ARHGAP15: variants seen among roughly 807,000 people sequenced by gnomAD.
ARHGAP15 encodes the protein rho GTPase-activating protein 15.
Under a neutral mutation model 63.7 loss-of-function variants are expected in ARHGAP15, and 51 were observed. That is an observed-to-expected ratio of 0.80 (90% CI 0.64 to 1.01). ARHGAP15 has a LOEUF of 1.01. Among genes scored for constraint, ARHGAP15 ranks in the 50% least tolerant of loss-of-function variants. The pLI is 0.00. For missense variants in ARHGAP15, 560 were observed against 564.6 expected, an observed-to-expected ratio of 0.99 and a Z score of 0.08; for synonymous variants, 191 against 193.8, an observed-to-expected ratio of 0.99 and a Z score of 0.12.
In ARHGAP15 at chr2:143,599,081, G is replaced by A. The variant is rs143375834; in HGVS notation, c.1004-25052G>A. Among the ~76,000 whole-genome samples, 938 of 152,166 alleles carry A rather than the reference G, an allele frequency of 6.2e-3. 6 individuals carry two copies. Among genetic ancestry groups the A allele is most frequent in the Non-Finnish European group, 0.011 (731 of 67,996 alleles). On this transcript the variant is annotated intron_variant, in intron 11 of 13. Transcript: ENST00000295095. ...ACATTGTTCAGGGTTGCAAAGTGAAGTTGAGAGTCTTAAATAGAGGGAGGC... is the reference window on the plus strand; with the variant it reads ...ACATTGTTCAGGGTTGCAAAGTGAAATTGAGAGTCTTAAATAGAGGGAGGC...
At chr2:143,361,290 C>G (rs1370977989) in intron 6 of ARHGAP15, among the ~76,000 whole-genome samples, 2 of 152,178 alleles carry the variant, frequency 1.3e-5, no homozygotes, top group East Asian at 3.9e-4. Context: ...CTATTAGCCA[C>G]CCAAGAGGCA....
chr2:143,499,016 AT>A (rs1692938757), intron 9 of ARHGAP15, among the ~76,000 whole-genome samples: 1 of 152,214 alleles, frequency 6.6e-6, no homozygotes, highest in African/African-American at 2.4e-5. Context: ...TCATTAAAAA[AT>A]ATTACCCACA....
intron 8 of ARHGAP15, among the ~76,000 whole-genome samples, chr2:143,438,193 T>G (rs936047124): frequency 1.3e-5 from 2 of 152,104 alleles, no homozygotes; most frequent in Non-Finnish European, 2.9e-5. Flanking sequence ...CATCCTAAAC[T>G]TTAGAATTTA....
At chr2:143,763,636 T>TATATATGCAAATTGC (rs1410080837) in intron 13 of ARHGAP15, among the ~76,000 whole-genome samples, 2 of 149,204 alleles carry the variant, frequency 1.3e-5, no homozygotes, top group African/African-American at 5.0e-5. Flanking sequence ...ATAAATTGCA[T>TATATATGCAAATTGC]ATATATGCAA....
At chr2:143,557,894 A>T (rs562527305) in intron 11 of ARHGAP15, among the ~76,000 whole-genome samples, 1 of 152,264 alleles carries the variant, frequency 6.6e-6, no homozygotes, top group Non-Finnish European at 1.5e-5. Flanking sequence ...TTTTAAAATC[A>T]TACAGATGGG....
chr2:143,617,557 G>T (rs191115286), intron 11 of ARHGAP15, among the ~76,000 whole-genome samples: 1 of 152,206 alleles, frequency 6.6e-6, no homozygotes, highest in Non-Finnish European at 1.5e-5. Context: ...CATATTGGAT[G>T]GGGACCCACA....
chr2:143,495,952 G>A (rs10928179), intron 9 of ARHGAP15, among the ~76,000 whole-genome samples: 150,593 of 152,336 alleles, frequency 0.99, 74,464 homozygotes, highest in Middle Eastern at 1. Context: ...CAACTTCCAC[G>A]ATATGCACTA....
intron 6 of ARHGAP15, among the ~76,000 whole-genome samples, chr2:143,298,323 G>C (rs563828743): frequency 6.6e-6 from 1 of 152,036 alleles, no homozygotes; most frequent in Non-Finnish European, 1.5e-5. Context: ...GTAATCCCTA[G>C]TTAGCATCTC....
chr2:143,153,144 A>G (rs1415938629), intron 1 of ARHGAP15, among the ~76,000 whole-genome samples: 4 of 151,918 alleles, frequency 2.6e-5, no homozygotes, highest in Non-Finnish European at 5.9e-5. Flanking sequence ...AGGAAGCAAC[A>G]TGTCCTATAA....
At chr2:143,328,320 G>A (rs1684350266) in intron 6 of ARHGAP15, among the ~76,000 whole-genome samples, 1 of 152,142 alleles carries the variant, frequency 6.6e-6, no homozygotes, top group African/African-American at 2.4e-5. Flanking sequence ...GTTCATGATA[G>A]CAAAGACTTG....
intron 4 of ARHGAP15, 69 bp downstream of exon 4, chr2:143,216,514 G>A (rs961832600): frequency 1.6e-5 from 19 of 1,198,710 alleles, no homozygotes; most frequent in Middle Eastern, 3.9e-4. Flanking sequence ...TTGTGCCACT[G>A]TTATTGTTTG....
intron 6 of ARHGAP15, among the ~76,000 whole-genome samples, chr2:143,332,117 T>C (rs1684575256): frequency 6.6e-6 from 1 of 152,170 alleles, no homozygotes; most frequent in African/African-American, 2.4e-5. Flanking sequence ...AATTGTACCC[T>C]TCCTTTCACC....
At chr2:143,267,855 A>G (rs901601789) in intron 6 of ARHGAP15, among the ~76,000 whole-genome samples, 7 of 152,164 alleles carry the variant, frequency 4.6e-5, no homozygotes, top group Admixed American at 2.6e-4. Context: ...AGCACAAAAA[A>G]TATTTTCTCT....
At chr2:143,395,913 C>G (rs578201579) in intron 6 of ARHGAP15, among the ~76,000 whole-genome samples, 1 of 151,826 alleles carries the variant, frequency 6.6e-6, no homozygotes, top group African/African-American at 2.4e-5. Flanking sequence ...CAAGCAGAGA[C>G]AAGGTGAGTT....
chr2:143,477,685 T>C (rs1691887020), intron 8 of ARHGAP15, among the ~76,000 whole-genome samples: 1 of 150,274 alleles, frequency 6.7e-6, no homozygotes, highest in African/African-American at 2.5e-5. Context: ...AAAGAAAGAA[T>C]GGGTAGGAGA....
chr2:143,763,349 A>T (rs568922374), intron 13 of ARHGAP15, among the ~76,000 whole-genome samples: 1 of 152,264 alleles, frequency 6.6e-6, no homozygotes, highest in Non-Finnish European at 1.5e-5. Flanking sequence ...CATGACATTT[A>T]TAACAGCATT....
intron 5 of ARHGAP15, among the ~76,000 whole-genome samples, chr2:143,243,310 G>C (rs763154063): frequency 5.3e-5 from 8 of 152,116 alleles, no homozygotes; most frequent in Non-Finnish European, 1.0e-4. Flanking sequence ...GATAGACGAA[G>C]AGAATAATAA....
intron 9 of ARHGAP15, among the ~76,000 whole-genome samples, chr2:143,505,049 T>G (rs895503545): frequency 1.3e-5 from 2 of 152,218 alleles, no homozygotes; most frequent in Non-Finnish European, 2.9e-5. Context: ...TTCTTTCCAC[T>G]GTGTCTGAGG....
At chr2:143,328,775 C>A (rs2105248125) in intron 6 of ARHGAP15, among the ~76,000 whole-genome samples, 1 of 152,216 alleles carries the variant, frequency 6.6e-6, no homozygotes, top group East Asian at 1.9e-4. Context: ...CATAGCACAA[C>A]CAGCTGACTA....
Sources: gnomAD v4.1 joint callset for allele counts (sites outside exome capture counted in the v4.1 genomes callset) on GRCh38, gnomAD v4.1.1 for gene constraint, MANE v1.5 for transcripts, NCBI Gene and HGNC (gene_info 2026-07-23, HGNC 2026-07-21) for gene names.